The following SKIC3 variants were observed in gnomAD, a reference collection of about 807,000 sequenced individuals.
SKIC3 encodes superkiller complex protein 3.
chr5:95,469,779 C>A, the SKIC3 span: 1 of 1,614,018 alleles, frequency 6.2e-7, no homozygotes, highest in South Asian at 1.1e-5. Context: ...ATTCTTCATA[C>A]CTTGCCCCCA....
chr5:95,492,678 A>AAAAAAAAAAAAAAAAAAAAC, the SKIC3 span, among the ~76,000 whole-genome samples: 1 of 142,384 alleles, frequency 7.0e-6, no homozygotes, highest in Non-Finnish European at 1.5e-5. Context: ...AAAAAAAAAA[A>AAAAAAAAAAAAAAAAAAAAC]AAAAAAAAAA....
At chr5:95,519,981 T>C in the SKIC3 span, among the ~76,000 whole-genome samples, 1 of 152,054 alleles carries the variant, frequency 6.6e-6, no homozygotes, top group Non-Finnish European at 1.5e-5. Flanking sequence ...TCATTTCATA[T>C]TTGGTTCATA....
At chr5:95,464,632 A>G in the SKIC3 span, 5 of 1,613,310 alleles carry the variant, frequency 3.1e-6, no homozygotes, top group Non-Finnish European at 4.2e-6. Flanking sequence ...TCTCTGATTC[A>G]GTTCCAATGC....
the SKIC3 span, chr5:95,478,350 A>G: frequency 1.2e-6 from 2 of 1,614,002 alleles, no homozygotes; most frequent in Non-Finnish European, 1.7e-6. Context: ...TCCCACTCCA[A>G]CTGCCCCGTT....
At chr5:95,490,970 T>C in the SKIC3 span, 1 of 1,614,156 alleles carries the variant, frequency 6.2e-7, no homozygotes, top group Non-Finnish European at 8.5e-7. Context: ...CTGAGTGTTG[T>C]TCACTAAGGC....
the SKIC3 span, among the ~76,000 whole-genome samples, chr5:95,526,370 T>G: frequency 6.6e-6 from 1 of 152,150 alleles, no homozygotes; most frequent in Non-Finnish European, 1.5e-5. Context: ...CTTGGTTCCC[T>G]GTATTTTCTG....
At chr5:95,541,982 T>C in the SKIC3 span, 2 of 864,146 alleles carry the variant, frequency 2.3e-6, no homozygotes, top group Non-Finnish European at 3.8e-6. Context: ...TTTTGCTAAA[T>C]AATATGATAA....
At chr5:95,494,534 T>C in the SKIC3 span, 1 of 778,776 alleles carries the variant, frequency 1.3e-6, no homozygotes, top group South Asian at 1.6e-5. Flanking sequence ...CAAACTCCTG[T>C]TGTAGAAGAT....
the SKIC3 span, chr5:95,536,656 T>A: frequency 1.5e-6 from 1 of 648,326 alleles, no homozygotes; most frequent in Non-Finnish European, 2.7e-6. Flanking sequence ...TTTATTAGTC[T>A]TTTCATATAC....
At chr5:95,537,193 T>A in the SKIC3 span, 4 of 1,463,212 alleles carry the variant, frequency 2.7e-6, no homozygotes, top group South Asian at 4.6e-5. Context: ...TGACAAATGA[T>A]TAAATGTATA....
At chr5:95,533,832 C>G in the SKIC3 span, among the ~76,000 whole-genome samples, 1 of 152,102 alleles carries the variant, frequency 6.6e-6, no homozygotes, top group Admixed American at 6.5e-5. Flanking sequence ...ATTGTTGATC[C>G]TATTTTTTTC....
At chr5:95,469,659 C>G in the SKIC3 span, 5 of 1,373,238 alleles carry the variant, frequency 3.6e-6, no homozygotes, top group East Asian at 2.3e-5. Flanking sequence ...ATAAATACCC[C>G]CCAAAGTTTG....
chr5:95,544,324 C>T, the SKIC3 span, among the ~76,000 whole-genome samples: 1 of 152,174 alleles, frequency 6.6e-6, no homozygotes, highest in Non-Finnish European at 1.5e-5. Flanking sequence ...CAGTAGCTGC[C>T]ATGACTCTAA....
At chr5:95,471,809 C>T in the SKIC3 span, among the ~76,000 whole-genome samples, 1 of 152,180 alleles carries the variant, frequency 6.6e-6, no homozygotes, top group Non-Finnish European at 1.5e-5. Flanking sequence ...CTCTTTTTCT[C>T]AATCTGGCTT....
At chr5:95,484,862 T>C in the SKIC3 span, 8 of 1,612,824 alleles carry the variant, frequency 5.0e-6, no homozygotes, top group Non-Finnish European at 8.5e-7. Flanking sequence ...ACAAAAAATG[T>C]CAATGTTACT....
chr5:95,541,858 C>T, the SKIC3 span: 4 of 1,613,078 alleles, frequency 2.5e-6, no homozygotes, highest in African/African-American at 4.0e-5. Flanking sequence ...CCAGGCAAGT[C>T]ATCCTTAGCA....
At chr5:95,529,408 CT>C in the SKIC3 span, 9 of 410,042 alleles carry the variant, frequency 2.2e-5, no homozygotes, top group Non-Finnish European at 4.1e-5. Context: ...TAAAATTCCC[CT>C]GCTAAAAATC....
At chr5:95,484,340 CTTTTTTT>C in the SKIC3 span, among the ~76,000 whole-genome samples, 1,050 of 119,910 alleles carry the variant, frequency 8.8e-3, 8 homozygotes, top group African/African-American at 0.021. Context: ...ATGCATTCCT[CTTTTTTT>C]TTTTTTTTTT....
the SKIC3 span, chr5:95,513,134 A>G: frequency 5.5e-6 from 1 of 183,254 alleles, no homozygotes; most frequent in Non-Finnish European, 1.2e-5. Flanking sequence ...CGAGAAAACT[A>G]ATCTGTTTCT....
Sources: gnomAD v4.1 joint callset for allele counts (sites outside exome capture counted in the v4.1 genomes callset) on GRCh38, gnomAD v4.1.1 for gene constraint, MANE v1.5 for transcripts, NCBI Gene and HGNC (gene_info 2026-07-23, HGNC 2026-07-21) for gene names.